NXF1: variants seen among roughly 807,000 people sequenced by gnomAD.
NXF1 encodes mRNA export factor TAP.
NXF1 carries 43 observed loss-of-function variants against 92.4 expected under a neutral mutation model. That is an observed-to-expected ratio of 0.47 (90% confidence interval 0.36 to 0.60). The LOEUF (loss-of-function observed/expected upper bound fraction) is 0.60, where lower values mean the gene tolerates loss of function less well. NXF1 is among the 20% of genes least tolerant of loss of function. NXF1 has a pLI of 0.00. For synonymous variants in NXF1, 288 were observed against 292.2 expected (o/e 0.99, Z 0.15); for missense variants, 576 against 793.0 (o/e 0.73, Z 3.29).
chr11:62,804,237 G>A, intron 1 of NXF1: 1 of 1,453,492 alleles, frequency 6.9e-7, no homozygotes, highest in Non-Finnish European at 9.1e-7. Context: ...GCAGGATGTA[G>A]AAATGTGAGA....
In NXF1 at chr11:62,805,403, G is replaced by C; in HGVS notation, c.-47C>G. 1 of 1,607,386 alleles carries C rather than the reference G, an allele frequency of 6.2e-7. No individual in the cohort carries two copies. The highest frequency in any genetic ancestry group is 8.5e-7 in the Non-Finnish European group (1 of 1,177,222). ...GGGCTCAGGCGCTGGCCGCTACGCC[G>C]GCAAACAACCTAACTCCCAAGCGCT... On this transcript the variant is annotated 5_prime_UTR_variant, in exon 1 of 21. Transcript: ENST00000294172.
chr11:62,805,270 C>T (rs1456350469), intron 1 of NXF1, 59 bp downstream of exon 1: 3 of 1,562,832 alleles, frequency 1.9e-6, no homozygotes, highest in Non-Finnish European at 2.6e-6. Context: ...GAGGCCTAGG[C>T]CGGCGCCGCC....
chr11:62,795,947 A>G lies in NXF1; in HGVS notation c.1462-4T>C. 1 of 1,614,018 alleles carries G rather than the reference A, an allele frequency of 6.2e-7. No homozygotes were observed. Among genetic ancestry groups the G allele is most frequent in the South Asian group, 1.1e-5 (1 of 91,084 alleles). ...CAGAAAAACACAGCAATGTGCTCTG[A>G]AAGAGAAGCAGCATCAGGTACAATG... On this transcript the variant is annotated splice_region_variant and splice_polypyrimidine_tract_variant and intron_variant, in intron 16 of 20. Transcript: ENST00000294172.
chr11:62,801,559 T>C lies in NXF1; in HGVS notation c.709+3A>G, dbSNP rs763848255. 4 of 1,613,900 alleles carry C rather than the reference T, an allele frequency of 2.5e-6. No individual in the cohort carries two copies. The Admixed American group carries it at 5.0e-5, about 20-fold the overall frequency. On this transcript the variant is annotated splice_donor_region_variant and intron_variant, in intron 7 of 20. Coordinates refer to ENST00000294172, the MANE Select transcript of NXF1 (RefSeq NM_006362.5). ...ATCTGAGAACTACTGCTGTCAACCA[T>C]ACCTGGGTCTGAACGGAGGCCTTTG...
Position 62,801,925 on chromosome 11 carries a change from A to C in NXF1, c.558+17T>G. On this transcript the variant is annotated intron_variant, in intron 5 of 20. Coordinates refer to ENST00000294172, the MANE Select transcript of NXF1 (RefSeq NM_006362.5). Reference sequence around the variant, plus strand: ...ACCAACCTCCACCTCCAGCCAAGCCAGGCCCTTTAAACACACCCTTCGGTT... The same window carrying C: ...ACCAACCTCCACCTCCAGCCAAGCCCGGCCCTTTAAACACACCCTTCGGTT... 1 of 1,612,824 alleles carries C rather than the reference A, an allele frequency of 6.2e-7. No individual in the cohort carries two copies. The highest frequency in any genetic ancestry group is 1.1e-5 in the South Asian group (1 of 91,062).
At chr11:62,794,687 G>A in intron 18 of NXF1, 3 of 587,078 alleles carry the variant, frequency 5.1e-6, no homozygotes, top group Non-Finnish European at 9.0e-6. Flanking sequence ...CTTAGGAAAT[G>A]AATATTGTTA....
At chr11:62,792,582 C>G in intron 20 of NXF1, 59 bp downstream of exon 20, 1 of 1,613,844 alleles carries the variant, frequency 6.2e-7, no homozygotes, top group East Asian at 2.2e-5. Context: ...CTCAGCTAAC[C>G]TGACCTCCTG....
At chr11:62,795,808 G>A in intron 17 of NXF1, 93 bp downstream of exon 17, 1 of 1,234,270 alleles carries the variant, frequency 8.1e-7, no homozygotes. Context: ...AAAGAAAATG[G>A]GAGAGAAAGT....
intron 10 of NXF1, chr11:62,798,937 C>T (rs985433109): frequency 2.3e-5 from 25 of 1,072,412 alleles, no homozygotes; most frequent in East Asian, 6.6e-5. Flanking sequence ...CCAGGGGCTC[C>T]GCTGCCTCAC....
rs548623502 is a variant in NXF1 at position 62,805,417 on chromosome 11, C to G, written c.-61G>C. 6.0e-5 allele frequency: 96 copies of G among 1,604,910 alleles called. 1 individual carries two copies. The South Asian group carries it at 9.7e-4, about 16-fold the overall frequency. ...GCCGCTACGCCGGCAAACAACCTAACTCCCAAGCGCTCAGGACCGAAGTGT... is the reference window on the plus strand; with the variant it reads ...GCCGCTACGCCGGCAAACAACCTAAGTCCCAAGCGCTCAGGACCGAAGTGT... On this transcript the variant is annotated 5_prime_UTR_variant, in exon 1 of 21. Transcript: ENST00000294172.
At chr11:62,798,668 C>T (rs539531249) in intron 10 of NXF1, 93 bp from the exon 11 acceptor site, 3 of 1,581,258 alleles carry the variant, frequency 1.9e-6, no homozygotes, top group East Asian at 4.5e-5. Flanking sequence ...CGAGGGACAG[C>T]CCATCCCATC....
intron 9 of NXF1, 45 bp from the exon 10 acceptor site, chr11:62,800,531 C>G: frequency 7.0e-7 from 1 of 1,419,414 alleles, no homozygotes; most frequent in Non-Finnish European, 9.8e-7. Flanking sequence ...CTGGTGAAGA[C>G]AGCCAGCTGG....
At position 62,801,727 on chromosome 11, in the gene NXF1, AGCC is replaced by A; in HGVS notation, c.639+9_639+11del. ...GACTGGGTTGGAAACATCTAATTTG[AGCC>A]TGCCTCACCTTTAGCTGTTCTACTT... On this transcript the variant is annotated intron_variant, in intron 6 of 20. Transcript: ENST00000294172. The A allele has an allele frequency of 6.2e-7, 1 of 1,612,730 alleles. No individual in the cohort carries two copies.
intron 16 of NXF1, 59 bp from the exon 17 acceptor site, chr11:62,796,002 T>A (rs1264411827): frequency 2.0e-6 from 3 of 1,498,578 alleles, no homozygotes; most frequent in Non-Finnish European, 2.7e-6. Context: ...GTGCCCCCCC[T>A]TGCCTATTAA....
At chr11:62,798,151 G>A (rs1195574867) in intron 11 of NXF1, among the ~76,000 whole-genome samples, 1 of 150,804 alleles carries the variant, frequency 6.6e-6, no homozygotes, top group Non-Finnish European at 1.5e-5. Context: ...AAAGGGCCTG[G>A]TGCGAGTGGC....
chr11:62,799,985 G>A, intron 10 of NXF1: 2 of 1,005,356 alleles, frequency 2.0e-6, no homozygotes, highest in Non-Finnish European at 2.4e-6. Flanking sequence ...GGTAGGGAGG[G>A]CTTCCTCAAC....
At chr11:62,796,598 C>A in intron 13 of NXF1, 31 bp from the exon 14 acceptor site, 1 of 1,454,784 alleles carries the variant, frequency 6.9e-7, no homozygotes, top group Non-Finnish European at 9.7e-7. Context: ...AAAGTATGGG[C>A]TCTGTGGTCT....
Position 62,802,022 on chromosome 11 carries a change from G to C in NXF1, c.478C>G (p.Gln160Glu). 6.2e-7 allele frequency: 1 copy of C among 1,614,188 alleles called. No individual in the cohort carries two copies. Among genetic ancestry groups the C allele is most frequent in the African/African-American group, 1.3e-5 (1 of 75,060 alleles). Residue 160 changes from glutamine (Q) to glutamate (E), a missense_variant, in exon 5 of 21, where the codon CAG becomes GAG. Physicochemically the swap from Gln to Glu is conservative, Grantham distance 29 (BLOSUM62 2). Coordinates refer to ENST00000294172, the MANE Select transcript of NXF1 (RefSeq NM_006362.5). Reference sequence around the variant, plus strand: ...GTACTGGCGTCTTCAACGAAGAACTGGGCCCGTGTATTCTCATAGTGAAAC... The same window carrying C: ...GTACTGGCGTCTTCAACGAAGAACTCGGCCCGTGTATTCTCATAGTGAAAC... Reference protein sequence around the residue: ...IEFHYENTRAQFFVEDASTAS... With the variant: ...IEFHYENTRAEFFVEDASTAS...
intron 10 of NXF1, chr11:62,799,075 G>T (rs1423187709): frequency 5.1e-6 from 5 of 981,674 alleles, no homozygotes; most frequent in Non-Finnish European, 6.0e-6. Context: ...AAAGGAATAA[G>T]AAAGGAAAAG....
Sources: gnomAD v4.1 joint callset for allele counts (sites outside exome capture counted in the v4.1 genomes callset) on GRCh38, gnomAD v4.1.1 for gene constraint, MANE v1.5 for transcripts, NCBI Gene and HGNC (gene_info 2026-07-23, HGNC 2026-07-21) for gene names.